EMCN: variants seen among roughly 807,000 people sequenced by gnomAD.
EMCN encodes endomucin, also known as MUC-14.
A neutral mutation model predicts 38.4 loss-of-function variants in EMCN; 37 were observed. That is an observed-to-expected ratio of 0.96 (90% CI 0.74 to 1.27). The LOEUF is 1.27. EMCN is among the 50% of genes most tolerant of loss of function. The pLI, the probability that EMCN is intolerant of heterozygous loss-of-function variation, is 0.00. For synonymous variants in EMCN, 95 were observed against 100.8 expected (o/e 0.94, Z 0.35); for missense variants, 318 against 302.8 (o/e 1.05, Z -0.37).
At chr4:100,419,035 G>A (rs75579052) in intron 8 of EMCN, among the ~76,000 whole-genome samples, 6 of 151,848 alleles carry the variant, frequency 4.0e-5, no homozygotes, top group South Asian at 2.1e-4. Flanking sequence ...CCTTTTCTCC[G>A]CATTCTCTCC....
At chr4:100,435,733 A>G (rs998159015) in intron 5 of EMCN, among the ~76,000 whole-genome samples, 18 of 152,064 alleles carry the variant, frequency 1.2e-4, no homozygotes, top group African/African-American at 4.3e-4. Flanking sequence ...ACACACCTAA[A>G]ACCATCTGAT....
chr4:100,440,515 T>C (rs1727481813), intron 5 of EMCN, among the ~76,000 whole-genome samples: 1 of 152,070 alleles, frequency 6.6e-6, no homozygotes, highest in Admixed American at 6.6e-5. Flanking sequence ...CCTGAGTTAC[T>C]TCACTTAAAA....
At chr4:100,441,106 G>A (rs993849627) in intron 5 of EMCN, among the ~76,000 whole-genome samples, 1 of 151,720 alleles carries the variant, frequency 6.6e-6, no homozygotes, top group African/African-American at 2.4e-5. Flanking sequence ...AAAAAGTGGG[G>A]TATTAAAGTC....
intron 11 of EMCN, among the ~76,000 whole-genome samples, chr4:100,398,802 C>G (rs1235686028): frequency 6.6e-6 from 1 of 152,168 alleles, no homozygotes; most frequent in Non-Finnish European, 1.5e-5. Context: ...AGCTCCCTAG[C>G]TTAAGCCTTT....
rs558451566 is a variant in EMCN, at chr4:100,475,739, G to A, written c.188-630C>T. Reference sequence around the variant, plus strand: ...GTCGCCCAGGCTGGAGTGCAGTGGCGCGATCTCGGCTCACTGCAAGCTCTG... The same window carrying A: ...GTCGCCCAGGCTGGAGTGCAGTGGCACGATCTCGGCTCACTGCAAGCTCTG... On this transcript the variant is annotated intron_variant, in intron 2 of 11. Coordinates refer to ENST00000296420, the MANE Select transcript of EMCN (RefSeq NM_016242.4). Among the ~76,000 whole-genome samples the A allele has an allele frequency of 1.5e-3, 204 of 136,234 alleles. 2 individuals are homozygous for A. The highest frequency in any genetic ancestry group is 5.1e-3 in the African/African-American group (187 of 36,414). 89.4% of individuals were successfully genotyped at this position (136,234 alleles called of 152,430 possible).
At chr4:100,446,212 T>G in intron 5 of EMCN, 1 of 985,368 alleles carries the variant, frequency 1.0e-6, no homozygotes, top group Non-Finnish European at 1.2e-6. Flanking sequence ...TTGTCTTGTT[T>G]TGCTGTTTTT....
At chr4:100,421,143 G>A (rs1002502734) in intron 8 of EMCN, 139 bp downstream of exon 8, 6 of 779,810 alleles carry the variant, frequency 7.7e-6, no homozygotes, top group East Asian at 2.7e-5. Context: ...TGTGCCCTTC[G>A]TCCTTTGTTT....
intron 9 of EMCN, among the ~76,000 whole-genome samples, chr4:100,416,201 T>C (rs893667074): frequency 1.3e-5 from 2 of 152,044 alleles, no homozygotes; most frequent in Non-Finnish European, 2.9e-5. Flanking sequence ...TTACTTTTTC[T>C]GGAATCAAGC....
chr4:100,415,749 C>T (rs553939618), intron 10 of EMCN, 149 bp downstream of exon 10: 18 of 555,590 alleles, frequency 3.2e-5, no homozygotes, highest in Middle Eastern at 4.9e-4. Context: ...TTCTTTCCTT[C>T]ATGGGAGAAT....
chr4:100,501,817 A>C (rs924461542), intron 1 of EMCN, among the ~76,000 whole-genome samples: 6 of 150,224 alleles, frequency 4.0e-5, no homozygotes, highest in Non-Finnish European at 8.9e-5. Context: ...CATAAACTTT[A>C]TATACAGAGA....
In EMCN at chr4:100,423,410, T is replaced by C. The variant is rs748040651; in HGVS notation, c.416-6A>G. Reference sequence around the variant, plus strand: ...ATCTGGTTGTAGAACACTACCTGTATGAAAATTACAAATGCAGAATCAGGC... The same window carrying C: ...ATCTGGTTGTAGAACACTACCTGTACGAAAATTACAAATGCAGAATCAGGC... On this transcript the variant is annotated splice_polypyrimidine_tract_variant and splice_region_variant and intron_variant, in intron 5 of 11. Transcript: ENST00000296420. 1.9e-6 allele frequency: 3 copies of C among 1,597,452 alleles called. No individual in the cohort carries two copies. The highest frequency in any genetic ancestry group is 2.2e-5 in the East Asian group (1 of 44,738).
At chr4:100,467,700 AAG>A in intron 3 of EMCN, among the ~76,000 whole-genome samples, 1 of 151,878 alleles carries the variant, frequency 6.6e-6, no homozygotes, top group Non-Finnish European at 1.5e-5. Flanking sequence ...AAAAAAAAAA[AAG>A]ATATGAGAAT....
chr4:100,480,397 A>G (rs1728775607), intron 1 of EMCN, among the ~76,000 whole-genome samples: 1 of 152,068 alleles, frequency 6.6e-6, no homozygotes, highest in South Asian at 2.1e-4. Context: ...TAGATGTTTC[A>G]CTAAATATTT....
rs575787874 is a variant in EMCN at position 100,399,562 on chromosome 4, C to T, written c.*40-1189G>A. Among the ~76,000 whole-genome samples the T allele has an allele frequency of 1.1e-4, 16 of 152,182 alleles. No individual in the cohort carries two copies. The East Asian group carries it at 1.2e-3, about 11-fold the overall frequency. On this transcript the variant is annotated intron_variant, in intron 11 of 11. Transcript: ENST00000296420. ...GGAAAGGATTGTAGAACAGGATATC[C>T]GTGACTTCTTCCCAGAGCATCTGTG...
At chr4:100,510,350 T>A (rs970239215) in intron 1 of EMCN, among the ~76,000 whole-genome samples, 1 of 152,228 alleles carries the variant, frequency 6.6e-6, no homozygotes, top group African/African-American at 2.4e-5. Flanking sequence ...TGTGCCTGCA[T>A]ATATTGTAAT....
At chr4:100,457,945 C>T (rs545806853) in intron 4 of EMCN, among the ~76,000 whole-genome samples, 26 of 151,906 alleles carry the variant, frequency 1.7e-4, no homozygotes, top group East Asian at 5.8e-4. Context: ...GGTGAAATCC[C>T]GTCTCTACTA....
chr4:100,456,221 C>T (rs1349114333), intron 4 of EMCN, among the ~76,000 whole-genome samples: 1 of 152,098 alleles, frequency 6.6e-6, no homozygotes, highest in African/African-American at 2.4e-5. Flanking sequence ...GGTCTTTTTT[C>T]TCTCCAACTT....
intron 10 of EMCN, 127 bp from the exon 11 acceptor site, chr4:100,410,482 A>G: frequency 2.4e-6 from 2 of 843,290 alleles, no homozygotes; most frequent in Admixed American, 2.3e-5. Context: ...CATTAAAGCC[A>G]CCATTTGCCT....
Position 100,490,381 on chromosome 4 carries a change from A to AT in EMCN, c.65-10343dup, listed in dbSNP as rs544796461. On this transcript the variant is annotated intron_variant, in intron 1 of 11. Transcript: ENST00000296420. ...TTAACATATTAGTATAGAAAAAAATATTTTTTATAAACTTGGTATAGCCCA... is the reference window on the plus strand; with the variant it reads ...TTAACATATTAGTATAGAAAAAAATATTTTTTTATAAACTTGGTATAGCCCA... 4.6e-4 allele frequency among the ~76,000 whole-genome samples: 70 copies of AT among 152,226 alleles called. No individual in the cohort carries two copies. The East Asian group carries it at 6.9e-3, about 15-fold the overall frequency.
Sources: allele counts gnomAD v4.1 joint callset (sites outside exome capture counted in the v4.1 genomes callset), GRCh38; gene constraint gnomAD v4.1.1; transcripts MANE v1.5; gene names NCBI Gene and HGNC (gene_info 2026-07-23, HGNC 2026-07-21).